ZNF407: variants seen among roughly 807,000 people sequenced by gnomAD.
ZNF407 encodes zinc finger protein 407.
Under a neutral mutation model 131.2 loss-of-function variants are expected in ZNF407, and 17 were observed. The ratio of observed to expected loss-of-function variants is 0.13; its 90% CI spans 0.09 to 0.19. The LOEUF is 0.19. Ranked by LOEUF, ZNF407 falls within the 10% of genes least tolerant of loss-of-function variation. The pLI is 1.00. For synonymous variants in ZNF407, 1,156 were observed against 1,062.0 expected (o/e 1.09, Z -1.72); for missense variants, 2,681 against 2,830.6 (o/e 0.95, Z 1.20).
At chr18:74,616,997 ACGCATC>A (rs1983329133) in intron 1 of ZNF407, among the ~76,000 whole-genome samples, 1 of 102,168 alleles carries the variant, frequency 9.8e-6, no homozygotes, top group East Asian at 2.9e-4. Flanking sequence ...CACGCACCAC[ACGCATC>A]CATATCCACA....
chr18:74,916,404 G>A (rs1404357069), intron 7 of ZNF407, among the ~76,000 whole-genome samples: 1 of 126,026 alleles, frequency 7.9e-6, no homozygotes, highest in African/African-American at 3.5e-5. Context: ...GTATTGGTTC[G>A]AATCGGGAGT....
rs58103313 is a variant in ZNF407 at position 74,766,009 on chromosome 18, CTGTGTGTGTGTGTG to C, written c.4803-15385_4803-15372del. ...GCCACTGTGATATACGCATATTACT[CTGTGTGTGTGTGTG>C]TGTGTGTGTGTGTGTGTGTGTGTGT... On this transcript the variant is annotated intron_variant, in intron 3 of 8. Transcript: ENST00000299687. Among the ~76,000 whole-genome samples the C allele has an allele frequency of 7.4e-4, 109 of 148,196 alleles. 2 individuals carry two copies. In the South Asian group the frequency reaches 8.8e-3, roughly 12 times the overall value.
chr18:74,894,061 C>G (rs1971421724), intron 7 of ZNF407, among the ~76,000 whole-genome samples: 1 of 152,042 alleles, frequency 6.6e-6, no homozygotes, highest in Non-Finnish European at 1.5e-5. Flanking sequence ...GATTTGTTTA[C>G]AAAATAACTT....
chr18:74,613,059 CA>C (rs778674897), intron 1 of ZNF407, among the ~76,000 whole-genome samples: 4 of 152,106 alleles, frequency 2.6e-5, no homozygotes, highest in Non-Finnish European at 5.9e-5. Context: ...AGTAGTTAAT[CA>C]CATTTTGATT....
chr18:74,904,344 A>G (rs1971567723), intron 7 of ZNF407, among the ~76,000 whole-genome samples: 1 of 152,214 alleles, frequency 6.6e-6, no homozygotes. Context: ...GTATCAGTAT[A>G]TGATGATATG....
chr18:74,970,285 T>C (rs530031594), intron 8 of ZNF407, among the ~76,000 whole-genome samples: 3 of 152,076 alleles, frequency 2.0e-5, no homozygotes, highest in Non-Finnish European at 2.9e-5. Flanking sequence ...CCAAATCTCA[T>C]GTCCTCACAT....
chr18:74,608,821 G>T (rs1050432700), intron 1 of ZNF407, among the ~76,000 whole-genome samples: 1 of 152,180 alleles, frequency 6.6e-6, no homozygotes, highest in Non-Finnish European at 1.5e-5. Context: ...GTCCTTCTCA[G>T]TGCATCATAT....
intron 4 of ZNF407, among the ~76,000 whole-genome samples, chr18:74,846,034 C>A (rs1330241396): frequency 6.6e-6 from 1 of 152,118 alleles, no homozygotes; most frequent in South Asian, 2.1e-4. Context: ...CAACTTGGCT[C>A]TTTTGTATGC....
At chr18:74,720,201 T>C (rs1967997281) in intron 3 of ZNF407, among the ~76,000 whole-genome samples, 1 of 152,136 alleles carries the variant, frequency 6.6e-6, no homozygotes, top group South Asian at 2.1e-4. Flanking sequence ...TTTTTGAGAA[T>C]TGTCATTCAA....
chr18:74,997,765 CTCT>C (rs1972796156), intron 8 of ZNF407, among the ~76,000 whole-genome samples: 1 of 152,140 alleles, frequency 6.6e-6, no homozygotes, highest in South Asian at 2.1e-4. Flanking sequence ...ATTCAACCTG[CTCT>C]TCTTCTTCCT....
chr18:74,724,043 C>A (rs1204650167), intron 3 of ZNF407, among the ~76,000 whole-genome samples: 2 of 151,834 alleles, frequency 1.3e-5, no homozygotes, highest in Non-Finnish European at 2.9e-5. Flanking sequence ...ATTCCCAAGG[C>A]ATTATATGTT....
chr18:74,935,684 A>T (rs950181806), intron 8 of ZNF407, among the ~76,000 whole-genome samples: 55 of 152,308 alleles, frequency 3.6e-4, no homozygotes, highest in South Asian at 2.1e-3. Flanking sequence ...GGTTTTGTAA[A>T]ACTTGAATAA....
intron 4 of ZNF407, among the ~76,000 whole-genome samples, chr18:74,797,406 G>T (rs1394506362): frequency 6.6e-6 from 1 of 152,176 alleles, no homozygotes; most frequent in Admixed American, 6.5e-5. Context: ...GACCTGCCTC[G>T]CTTTGGCAAC....
chr18:74,852,150 G>C (rs1026389348), intron 4 of ZNF407, among the ~76,000 whole-genome samples: 2 of 147,712 alleles, frequency 1.4e-5, no homozygotes, highest in African/African-American at 5.0e-5. Context: ...TTATCTGTAT[G>C]CATGGATGCA....
At chr18:74,792,218 G>A (rs1969839200) in intron 4 of ZNF407, among the ~76,000 whole-genome samples, 2 of 151,934 alleles carry the variant, frequency 1.3e-5, no homozygotes, top group African/African-American at 4.8e-5. Context: ...GAGCTTTTTA[G>A]TTGTGAAGGT....
At chr18:74,892,877 A>C (rs12963311) in intron 7 of ZNF407, among the ~76,000 whole-genome samples, 53,974 of 151,926 alleles carry the variant, frequency 0.36, 10,399 homozygotes, top group African/African-American at 0.5. Context: ...AAGTCTGTGC[A>C]TGTTCCAGAT....
chr18:74,861,280 G>A (rs150544804), intron 4 of ZNF407, among the ~76,000 whole-genome samples: 1 of 152,356 alleles, frequency 6.6e-6, no homozygotes, highest in Admixed American at 6.5e-5. Context: ...TTCTTGTTGT[G>A]TAAGCAGCAG....
intron 4 of ZNF407, among the ~76,000 whole-genome samples, chr18:74,783,666 A>C (rs1188644024): frequency 2.0e-5 from 3 of 152,052 alleles, no homozygotes; most frequent in Non-Finnish European, 2.9e-5. Context: ...CAGGAGAAAG[A>C]TTGAATTTCT....
chr18:74,742,335 A>G (rs1429075305), intron 3 of ZNF407, among the ~76,000 whole-genome samples: 1 of 152,200 alleles, frequency 6.6e-6, no homozygotes, highest in Non-Finnish European at 1.5e-5. Flanking sequence ...AATCTGGAAG[A>G]ACTATGAAAT....
Sources: allele counts gnomAD v4.1 joint callset (sites outside exome capture counted in the v4.1 genomes callset), GRCh38; gene constraint gnomAD v4.1.1; transcripts MANE v1.5; gene names NCBI Gene and HGNC (gene_info 2026-07-23, HGNC 2026-07-21).